The following VPS13B variants were observed in gnomAD, a reference collection of about 807,000 sequenced individuals.
The protein encoded by VPS13B is intermembrane lipid transfer protein VPS13B.
Under a neutral mutation model 426.4 loss-of-function variants are expected in VPS13B, and 285 were observed. The observed-to-expected ratio is 0.67, with a 90% CI of 0.61 to 0.74. The LOEUF is 0.74. VPS13B is among the 30% of genes least tolerant of loss of function. VPS13B has a pLI of 0.00. For missense variants in VPS13B, 4,537 were observed against 4,782.6 expected (o/e 0.95, Z 1.51); for synonymous variants, 1,676 against 1,676.4 (o/e 1.00, Z 0.01).
intron 23 of VPS13B, among the ~76,000 whole-genome samples, chr8:99,453,065 A>G (rs963904155): frequency 2.6e-5 from 4 of 152,242 alleles, no homozygotes; most frequent in African/African-American, 9.6e-5. Context: ...GAGATCATTT[A>G]TAAATTAAAA....
At chr8:99,300,678 C>T (rs755504314) in intron 19 of VPS13B, among the ~76,000 whole-genome samples, 10 of 152,090 alleles carry the variant, frequency 6.6e-5, no homozygotes, top group Non-Finnish European at 1.3e-4. Context: ...TTCCCAGTTC[C>T]TTTTCTTTAG....
intron 43 of VPS13B, among the ~76,000 whole-genome samples, chr8:99,794,438 C>G (rs931627497): frequency 1.3e-5 from 2 of 152,192 alleles, no homozygotes; most frequent in Admixed American, 1.3e-4. Flanking sequence ...ACAGGAGTTT[C>G]TGGTCCATAG....
At chr8:99,035,398 C>T (rs910755664) in intron 2 of VPS13B, among the ~76,000 whole-genome samples, 1 of 152,062 alleles carries the variant, frequency 6.6e-6, no homozygotes, top group East Asian at 1.9e-4. Flanking sequence ...TGTTAGATAC[C>T]TTATATATGT....
intron 3 of VPS13B, among the ~76,000 whole-genome samples, chr8:99,095,066 A>G (rs2132426947): frequency 6.6e-6 from 1 of 152,258 alleles, no homozygotes; most frequent in East Asian, 1.9e-4. Flanking sequence ...TGAAAGAGCA[A>G]TTTATTTTAA....
chr8:99,718,223 G>A (rs1308102904), intron 37 of VPS13B, among the ~76,000 whole-genome samples: 5 of 152,024 alleles, frequency 3.3e-5, no homozygotes, highest in Non-Finnish European at 5.9e-5. Context: ...AGAACTATGT[G>A]CCACCACACC....
At chr8:99,576,677 T>C (rs903194228) in intron 32 of VPS13B, among the ~76,000 whole-genome samples, 1 of 152,176 alleles carries the variant, frequency 6.6e-6, no homozygotes, top group African/African-American at 2.4e-5. Context: ...ATTGTCCACA[T>C]GCACATCATG....
intron 17 of VPS13B, among the ~76,000 whole-genome samples, chr8:99,270,157 T>TTTTTTTA (rs1491533254): frequency 7.5e-6 from 1 of 133,676 alleles, no homozygotes; most frequent in Non-Finnish European, 1.6e-5. Context: ...TTTTTTTTTT[T>TTTTTTTA]GAGACAGAGT....
At chr8:99,271,702 A>G (rs929677809) in intron 17 of VPS13B, among the ~76,000 whole-genome samples, 1 of 152,204 alleles carries the variant, frequency 6.6e-6, no homozygotes, top group Non-Finnish European at 1.5e-5. Context: ...GCGAAGGGGA[A>G]GCAAGTACCT....
In VPS13B at chr8:99,720,992, T is replaced by C; in HGVS notation, c.6995T>C (p.Phe2332Ser). ...LTLVRITPVP[F>S]NTTEDPDIST... is the part of the protein sequence containing the mutation. ...CTTGTACGAATAACTCCTGTACCTT[T>C]TAACACCACAGAGGATCCAGATATT... Residue 2332 changes from phenylalanine (F) to serine (S), a missense_variant, in exon 39 of 62, where the codon TTT becomes TCT. By Grantham distance (155) the Phe-to-Ser change is radical (BLOSUM62 -2). This residue lies in a region of VPS13B where 4,311 missense variants were observed against 4,474.3 expected (regional missense o/e 0.96). Transcript: ENST00000357162. 1 of 1,614,032 alleles carries C rather than the reference T, an allele frequency of 6.2e-7. No homozygotes were observed. The highest frequency in any genetic ancestry group is 1.3e-5 in the African/African-American group (1 of 75,022).
intron 3 of VPS13B, among the ~76,000 whole-genome samples, chr8:99,090,601 A>G (rs1588024150): frequency 6.6e-6 from 1 of 152,248 alleles, no homozygotes; most frequent in African/African-American, 2.4e-5. Flanking sequence ...TAGTGTTTAC[A>G]TAGGTTTTGT....
intron 39 of VPS13B, among the ~76,000 whole-genome samples, chr8:99,762,136 C>T (rs73271376): frequency 0.018 from 2,716 of 152,070 alleles, 71 homozygotes; most frequent in African/African-American, 0.061. Flanking sequence ...GGCGATCCTC[C>T]GACTTCAGCC....
intron 54 of VPS13B, among the ~76,000 whole-genome samples, chr8:99,845,305 G>T (rs1264171144): frequency 6.6e-6 from 1 of 152,130 alleles, no homozygotes; most frequent in Non-Finnish European, 1.5e-5. Context: ...AGGGACCCAG[G>T]TTGAGGGAAA....
chr8:99,404,976 A>G (rs948291312), intron 21 of VPS13B, among the ~76,000 whole-genome samples: 9 of 152,224 alleles, frequency 5.9e-5, no homozygotes, highest in African/African-American at 2.2e-4. Flanking sequence ...AGCATGGTGA[A>G]GCTTATTTTG....
At position 99,638,664 on chromosome 8, in the gene VPS13B, G is replaced by A. The variant is rs191681010; in HGVS notation, c.5221-3147G>A. Among the ~76,000 whole-genome samples, 740 of 152,206 alleles carry A rather than the reference G, an allele frequency of 4.9e-3. 6 individuals carry two copies. Among genetic ancestry groups the A allele is most frequent in the Non-Finnish European group, 7.6e-3 (518 of 68,012 alleles). ...ATGAGTTAGGTATTAATGTCCCAAT[G>A]TGAGGACACAGACGGAAGAGATAGG... is the stretch of plus-strand genomic sequence containing the variant. On this transcript the variant is annotated intron_variant, in intron 33 of 61. Coordinates refer to ENST00000357162, the MANE Select transcript of VPS13B (RefSeq NM_152564.5).
At chr8:99,364,139 C>T (rs1812710432) in intron 19 of VPS13B, among the ~76,000 whole-genome samples, 1 of 152,142 alleles carries the variant, frequency 6.6e-6, no homozygotes, top group Admixed American at 6.5e-5. Flanking sequence ...TATGTTCCTT[C>T]TGTACTCTGT....
intron 35 of VPS13B, among the ~76,000 whole-genome samples, chr8:99,689,027 A>G (rs1335936303): frequency 1.3e-5 from 2 of 152,170 alleles, no homozygotes; most frequent in East Asian, 1.9e-4. Flanking sequence ...GATAGTCACT[A>G]TCTTGAAAAA....
chr8:99,070,728 T>G (rs1445346140), intron 3 of VPS13B, among the ~76,000 whole-genome samples: 1 of 152,182 alleles, frequency 6.6e-6, no homozygotes, highest in Admixed American at 6.5e-5. Context: ...TTCAAACTGT[T>G]ACGTCATTGA....
In VPS13B at chr8:99,544,134, T is replaced by TA. The variant is rs547007741; in HGVS notation, c.4746-12310dup. Reference sequence around the variant, plus strand: ...TACACCATGGAATACTATGCAGCCATAAAAAATGATGAGTTCACGTCCTTT... The same window carrying TA: ...TACACCATGGAATACTATGCAGCCATAAAAAAATGATGAGTTCACGTCCTTT... On this transcript the variant is annotated intron_variant, in intron 30 of 61. Coordinates refer to ENST00000357162, the MANE Select transcript of VPS13B (RefSeq NM_152564.5). Among the ~76,000 whole-genome samples the TA allele has an allele frequency of 2.0e-4, 31 of 151,762 alleles. No individual in the cohort carries two copies. In the East Asian group the frequency reaches 5.4e-3, roughly 27 times the overall value.
At chr8:99,533,029 T>C (rs1406544668) in intron 30 of VPS13B, among the ~76,000 whole-genome samples, 1 of 142,830 alleles carries the variant, frequency 7.0e-6, no homozygotes, top group Admixed American at 7.2e-5. Context: ...AGCCTCCACC[T>C]CCCGGGTTCA....
Sources: allele counts gnomAD v4.1 joint callset (sites outside exome capture counted in the v4.1 genomes callset), GRCh38; gene constraint gnomAD v4.1.1; regional missense constraint gnomAD v4.1.1; transcripts MANE v1.5; gene names NCBI Gene and HGNC (gene_info 2026-07-23, HGNC 2026-07-21).